DOCK5: variants seen among roughly 807,000 people sequenced by gnomAD.
The protein encoded by DOCK5 is dedicator of cytokinesis 5.
A neutral mutation model predicts 251.8 loss-of-function variants in DOCK5; 142 were observed. The ratio of observed to expected loss-of-function variants is 0.56; its 90% CI spans 0.49 to 0.65. The LOEUF (loss-of-function observed/expected upper bound fraction) is 0.65, where lower values mean the gene tolerates loss of function less well. DOCK5 is among the 30% of genes least tolerant of loss of function. The probability of loss-of-function intolerance (pLI) is 0.00; values close to 1 mark genes in which losing one functional copy is unlikely to be tolerated. For synonymous variants in DOCK5, 842 were observed against 835.5 expected (o/e 1.01, Z -0.13); for missense variants, 2,111 against 2,312.3 (o/e 0.91, Z 1.79).
At chr8:25,197,575 C>CTTTT (rs541455591) in intron 1 of DOCK5, among the ~76,000 whole-genome samples, 3,861 of 107,914 alleles carry the variant, frequency 0.036, 529 homozygotes, top group African/African-American at 0.083. Context: ...GTGTCTTTGT[C>CTTTT]TTTTTTTTTT....
chr8:25,213,588 A>G (rs1802157665), intron 1 of DOCK5, among the ~76,000 whole-genome samples: 1 of 152,052 alleles, frequency 6.6e-6, no homozygotes, highest in African/African-American at 2.4e-5. Flanking sequence ...TCCTCATGCT[A>G]CATCAGGGTT....
Position 25,368,713 on chromosome 8 carries a change from C to G in DOCK5, c.3426C>G (p.Gly1142=). The change falls in exon 33 of 52, where the codon GGC becomes GGG. Residue 1142 remains glycine (G), a synonymous_variant. Transcript: ENST00000276440. Reference sequence around the variant, plus strand: ...GTGAGTTCAATTTCAGTGGAAATGGCAATTTCCATATGGTAAGAAGTGGCA... The same window carrying G: ...GTGAGTTCAATTTCAGTGGAAATGGGAATTTCCATATGGTAAGAAGTGGCA... The part of the protein sequence containing the change: ...MQCEFNFSGN[G]NFHMFENELI... 1 of 1,612,662 alleles carries G rather than the reference C, an allele frequency of 6.2e-7. No individual in the cohort carries two copies. Among genetic ancestry groups the G allele is most frequent in the Non-Finnish European group, 8.5e-7 (1 of 1,179,426 alleles).
intron 10 of DOCK5, among the ~76,000 whole-genome samples, chr8:25,303,930 C>T (rs565352402): frequency 1.6e-4 from 25 of 152,134 alleles, no homozygotes; most frequent in Non-Finnish European, 3.5e-4. Flanking sequence ...TGTGCCACTG[C>T]ACTCCAACCT....
intron 47 of DOCK5, among the ~76,000 whole-genome samples, chr8:25,401,372 C>G (rs548625432): frequency 9.9e-5 from 15 of 152,206 alleles, no homozygotes; most frequent in African/African-American, 3.4e-4. Context: ...CAAGTAGTTG[C>G]AATTCTGAGA....
At chr8:25,401,487 C>T (rs992782929) in intron 47 of DOCK5, among the ~76,000 whole-genome samples, 2 of 152,174 alleles carry the variant, frequency 1.3e-5, no homozygotes, top group African/African-American at 2.4e-5. Context: ...AATCCCAGCA[C>T]TTTGGGAGGC....
chr8:25,382,871 G>T (rs566689447), intron 40 of DOCK5, 93 bp downstream of exon 40: 3 of 1,037,848 alleles, frequency 2.9e-6, no homozygotes, highest in East Asian at 2.7e-5. Context: ...AGCAGCTGCC[G>T]ACCCGTGTTC....
intron 2 of DOCK5, 97 bp from the exon 3 acceptor site, chr8:25,268,748 C>T (rs1803830022): frequency 7.1e-6 from 7 of 988,950 alleles, no homozygotes; most frequent in Non-Finnish European, 1.0e-5. Flanking sequence ...CTGTTGTATC[C>T]CAGTATTGCT....
At chr8:25,370,975 T>A (rs1249772417) in intron 34 of DOCK5, among the ~76,000 whole-genome samples, 2 of 152,148 alleles carry the variant, frequency 1.3e-5, no homozygotes, top group South Asian at 4.1e-4. Flanking sequence ...TTTACAGGCC[T>A]ACCCTTCATT....
chr8:25,364,560 T>C (rs1800742687), intron 29 of DOCK5, 66 bp from the exon 30 acceptor site: 2 of 1,210,276 alleles, frequency 1.7e-6, no homozygotes, highest in Non-Finnish European at 2.4e-6. Context: ...TAGTTCTTAA[T>C]ATAGGTGGGA....
chr8:25,256,625 C>T (rs542502984), intron 2 of DOCK5, among the ~76,000 whole-genome samples: 77 of 126,268 alleles, frequency 6.1e-4, no homozygotes, highest in Non-Finnish European at 1.0e-3. Flanking sequence ...GTCGACAGAG[C>T]GAATCTCCAT....
At chr8:25,246,208 C>T (rs974035428) in intron 2 of DOCK5, among the ~76,000 whole-genome samples, 2 of 152,186 alleles carry the variant, frequency 1.3e-5, no homozygotes, top group Non-Finnish European at 2.9e-5. Flanking sequence ...CCTGGCTCCA[C>T]AAGGCCATCA....
chr8:25,235,931 A>G (rs1327859914), intron 1 of DOCK5, among the ~76,000 whole-genome samples: 3 of 150,736 alleles, frequency 2.0e-5, no homozygotes, highest in Admixed American at 6.6e-5. Flanking sequence ...CCGAGTAGCT[A>G]GGATAACAGG....
intron 40 of DOCK5, among the ~76,000 whole-genome samples, chr8:25,384,490 C>T (rs980117456): frequency 1.2e-4 from 15 of 130,264 alleles, no homozygotes; most frequent in Admixed American, 2.5e-4. Flanking sequence ...GACAGTGTCT[C>T]GCTCTGTCAC....
At chr8:25,262,093 T>C (rs1383503612) in intron 2 of DOCK5, among the ~76,000 whole-genome samples, 1 of 152,206 alleles carries the variant, frequency 6.6e-6, no homozygotes, top group African/African-American at 2.4e-5. Context: ...TCACAAACAT[T>C]CTTATAAAGC....
chr8:25,393,631 A>G (rs1383149277), intron 44 of DOCK5, among the ~76,000 whole-genome samples: 1 of 152,014 alleles, frequency 6.6e-6, no homozygotes, highest in Non-Finnish European at 1.5e-5. Context: ...CACTCTTGCA[A>G]TTTCTGCACC....
chr8:25,366,871 T>C lies in DOCK5; in HGVS notation c.3125T>C (p.Leu1042Pro). Residue 1042 changes from leucine (L) to proline (P), a missense_variant and splice_region_variant, in exon 31 of 52, where the codon CTC becomes CCC. Around this residue, in one of 3 missense-constraint regions of DOCK5, gnomAD observed 1,717 missense variants for 1,892.4 expected, o/e 0.91. Coordinates refer to ENST00000276440, the MANE Select transcript of DOCK5 (RefSeq NM_024940.8). ...ACCCACACAATTAATTTTGAACAGC[T>C]CTGGAACAATTACTTCCATTTGGCA... The part of the protein sequence containing the change: ...FMDQASFELQ[L>P]WNNYFHLAVA... 1 of 1,613,314 alleles carries C rather than the reference T, an allele frequency of 6.2e-7. No homozygotes were observed. The highest frequency in any genetic ancestry group is 8.5e-7 in the Non-Finnish European group (1 of 1,179,350).
intron 41 of DOCK5, among the ~76,000 whole-genome samples, chr8:25,389,993 A>AG (rs950092879): frequency 6.6e-6 from 1 of 151,248 alleles, no homozygotes; most frequent in Non-Finnish European, 1.5e-5. Flanking sequence ...CCGAAAAAAA[A>AG]AAAAGGGCCC....
chr8:25,403,637 G>C lies in DOCK5; in HGVS notation c.5006G>C (p.Arg1669Thr). The C allele has an allele frequency of 6.2e-7, 1 of 1,613,976 alleles. No homozygotes were observed. The highest frequency in any genetic ancestry group is 8.5e-7 in the Non-Finnish European group (1 of 1,179,878). ...LPYIMSSTLR[R>T]LSITSVTSSV... is the part of the protein sequence containing the mutation. The stretch of plus-strand genomic sequence containing the variant: ...TACATCATGTCTTCCACTCTGCGGA[G>C]GTTGTCCATCACCTCAGTCACTTCC... Residue 1669 changes from arginine (R) to threonine (T), a missense_variant, in exon 48 of 52, where the codon AGG becomes ACG. Coordinates refer to ENST00000276440, the MANE Select transcript of DOCK5 (RefSeq NM_024940.8).
chr8:25,219,629 G>A lies in DOCK5; in HGVS notation c.44-24045G>A, dbSNP rs889369550. On this transcript the variant is annotated intron_variant, in intron 1 of 51. Coordinates refer to ENST00000276440, the MANE Select transcript of DOCK5 (RefSeq NM_024940.8). ...ATTCCACCCTTCCACTTCCTTGACA[G>A]TTTGCACATAGAACTTGAAAGTGTT... Among the ~76,000 whole-genome samples, 5 of 151,870 alleles carry A rather than the reference G, an allele frequency of 3.3e-5. No individual in the cohort carries two copies. In the East Asian group the frequency reaches 5.8e-4, roughly 18 times the overall value.
Sources: gnomAD v4.1 joint callset for allele counts (sites outside exome capture counted in the v4.1 genomes callset) on GRCh38, gnomAD v4.1.1 for gene constraint, gnomAD v4.1.1 regional missense constraint, MANE v1.5 for transcripts, NCBI Gene and HGNC (gene_info 2026-07-23, HGNC 2026-07-21) for gene names.